ORM2: variants seen among roughly 807,000 people sequenced by gnomAD.
ORM2 encodes the protein orosomucoid 2.
Under a neutral mutation model 26.8 loss-of-function variants are expected in ORM2, and 19 were observed. The observed-to-expected ratio is 0.71, with a 90% CI of 0.49 to 1.04. The LOEUF (loss-of-function observed/expected upper bound fraction) is 1.04, where lower values mean the gene tolerates loss of function less well. Among genes scored for constraint, ORM2 ranks in the 50% least tolerant of loss-of-function variants. ORM2 has a pLI of 0.00. For missense variants in ORM2, 259 were observed against 244.9 expected, an observed-to-expected ratio of 1.06 and a Z score of -0.39; for synonymous variants, 94 against 100.0, an observed-to-expected ratio of 0.94 and a Z score of 0.36.
chr9:114,331,928 A>C lies in ORM2; in HGVS notation c.539A>C (p.Lys180Thr). 1 of 1,613,342 alleles carries C rather than the reference A, an allele frequency of 6.2e-7. No homozygotes were observed. The highest frequency in any genetic ancestry group is 8.5e-7 in the Non-Finnish European group (1 of 1,179,610). ...GATGTCATGTACACCGACTGGAAAA[A>C]GGTAAACGCAAGGGATTGGACAGTG... is the stretch of plus-strand genomic sequence containing the variant. Reference protein sequence around the residue: ...RSDVMYTDWKKDKCEPLEKQH... With the variant: ...RSDVMYTDWKTDKCEPLEKQH... The change falls in exon 5 of 6, where the codon AAG becomes ACG. Residue 180 changes from lysine to threonine, a missense_variant and splice_region_variant. Coordinates refer to ENST00000431067, the MANE Select transcript of ORM2 (RefSeq NM_000608.4).
In ORM2 at chr9:114,330,829, G is replaced by A; in HGVS notation, c.295G>A (p.Val99Ile). ...CTTCTATAACTCCAGTTACCTGAAT[G>A]TCCAGCGGGAGAATGGGACCGTCTC... ...QCFYNSSYLNVQRENGTVSRY... is the reference protein window; with the variant it reads ...QCFYNSSYLNIQRENGTVSRY... The change falls in exon 3 of 6, where the codon GTC (valine) becomes ATC (isoleucine). Residue 99 changes from valine (V) to isoleucine (I), a missense_variant. By Grantham distance (29) the Val-to-Ile change is conservative (BLOSUM62 3). This residue lies in a region of ORM2 where 251 missense variants were observed against 220.5 expected (regional missense o/e 1.14). Transcript: ENST00000431067. The A allele has an allele frequency of 6.2e-7, 1 of 1,613,992 alleles. No individual in the cohort carries two copies. Among genetic ancestry groups the A allele is most frequent in the South Asian group, 1.1e-5 (1 of 91,080 alleles).
chr9:114,332,471 A>G (rs964531058), intron 5 of ORM2, among the ~76,000 whole-genome samples: 6 of 152,144 alleles, frequency 3.9e-5, no homozygotes, highest in Non-Finnish European at 4.4e-5. Context: ...GTGCCCTAAT[A>G]CCTGTGAAAT....
intron 5 of ORM2, 85 bp from the exon 6 acceptor site, chr9:114,332,984 T>A: frequency 6.3e-7 from 1 of 1,584,016 alleles, no homozygotes; most frequent in Non-Finnish European, 8.6e-7. Flanking sequence ...AGGCCAGAGC[T>A]CATTCTGCCC....
At chr9:114,330,705 G>T (rs1288130572) in intron 2 of ORM2, 87 bp from the exon 3 acceptor site, 6 of 1,598,776 alleles carry the variant, frequency 3.8e-6, no homozygotes, top group Admixed American at 1.7e-5. Flanking sequence ...ATCTCCACCA[G>T]ACTCTTGCCC....
Position 114,330,553 on chromosome 9 carries a change from C to T in ORM2, c.234C>T (p.Ile78=), listed in dbSNP as rs562446012. Reference sequence around the variant, plus strand: ...CCCCCAACAAGACAGAGGACACGATCTTTCTCAGAGAGTACCAGACCCGGT... The same window carrying T: ...CCCCCAACAAGACAGAGGACACGATTTTTCTCAGAGAGTACCAGACCCGGT... ...YFTPNKTEDT[I]FLREYQTRQN... is the part of the protein sequence containing the mutation. The change falls in exon 2 of 6, where the codon ATC becomes ATT. Residue 78 remains isoleucine (I), a synonymous_variant. Transcript: ENST00000431067. 30 of 1,612,934 alleles carry T rather than the reference C, an allele frequency of 1.9e-5. No individual in the cohort carries two copies. Among genetic ancestry groups the T allele is most frequent in the Non-Finnish European group, 2.4e-5 (28 of 1,179,994 alleles).
rs539846271 is a variant in ORM2 at position 114,332,060 on chromosome 9, C to T, written c.540+131C>T. 1.7e-5 allele frequency: 11 copies of T among 653,958 alleles called. 1 individual carries two copies. In the Middle Eastern group the frequency reaches 1.6e-3, roughly 93 times the overall value. 40.5% of individuals were successfully genotyped at this position (653,958 alleles called of 1,614,324 possible). ...AGATCTTCTGCTTTTAGGCACCTGC[C>T]TCACTGTAGGGACAGCTGAGCTCTA... On this transcript the variant is annotated intron_variant, in intron 5 of 5. Coordinates refer to ENST00000431067, the MANE Select transcript of ORM2 (RefSeq NM_000608.4).
rs552854451 is a variant in ORM2, at chr9:114,330,778, C to T, written c.258-14C>T. On this transcript the variant is annotated splice_polypyrimidine_tract_variant and intron_variant, in intron 2 of 5. Transcript: ENST00000431067. Reference sequence around the variant, plus strand: ...AACATTACTGTTTTTCTTCCGCCTTCTGGTTGACTTTAGCCAGAACCAGTG... The same window carrying T: ...AACATTACTGTTTTTCTTCCGCCTTTTGGTTGACTTTAGCCAGAACCAGTG... 2 of 1,613,298 alleles carry T rather than the reference C, an allele frequency of 1.2e-6. No homozygotes were observed. The highest frequency in any genetic ancestry group is 1.7e-6 in the Non-Finnish European group (2 of 1,179,554).
rs1010546722 is a variant in ORM2, at chr9:114,331,499, C to A, written c.329-68C>A. Reference sequence around the variant, plus strand: ...GTGGCCCCGGACACACCTAGGACTCCTCACCTGTAAGACAGGCACCATTGT... The same window carrying A: ...GTGGCCCCGGACACACCTAGGACTCATCACCTGTAAGACAGGCACCATTGT... On this transcript the variant is annotated intron_variant, in intron 3 of 5. Coordinates refer to ENST00000431067, the MANE Select transcript of ORM2 (RefSeq NM_000608.4). 30 of 1,332,044 alleles carry A rather than the reference C, an allele frequency of 2.3e-5. No individual in the cohort carries two copies. The African/African-American group carries it at 3.8e-4, about 17-fold the overall frequency. 82.5% of individuals were successfully genotyped at this position (1,332,044 alleles called of 1,614,324 possible).
rs147918827 is a variant in ORM2 at position 114,331,668 on chromosome 9, T to G, written c.430T>G (p.Phe144Val). 230 of 1,612,866 alleles carry G rather than the reference T, an allele frequency of 1.4e-4. 1 individual carries two copies. Among genetic ancestry groups the G allele is most frequent in the Middle Eastern group, 3.3e-4 (2 of 6,056 alleles). ...LDDEKNWGLS[F>V]YADKPETTKE... Reference sequence around the variant, plus strand: ...CGATGAGAAGAACTGGGGGCTGTCTTTCTATGGTAGGCATGCTTAGCAGCC... The same window carrying G: ...CGATGAGAAGAACTGGGGGCTGTCTGTCTATGGTAGGCATGCTTAGCAGCC... The change falls in exon 4 of 6, where the codon TTC (phenylalanine) becomes GTC (valine). Residue 144 changes from phenylalanine (F) to valine (V), a missense_variant. Physicochemically the swap from Phe to Val is conservative, Grantham distance 50. This residue lies in a region of ORM2 where 251 missense variants were observed against 220.5 expected (regional missense o/e 1.14). Transcript: ENST00000431067.
chr9:114,331,299 C>A (rs1215961591), intron 3 of ORM2, among the ~76,000 whole-genome samples: 12 of 152,112 alleles, frequency 7.9e-5, no homozygotes, highest in Non-Finnish European at 1.5e-4. Flanking sequence ...CGAGCCTCCT[C>A]TCTGGGCCTC....
intron 5 of ORM2, among the ~76,000 whole-genome samples, chr9:114,332,549 G>GAAAAACA (rs1193580555): frequency 6.6e-6 from 1 of 152,018 alleles, no homozygotes; most frequent in Non-Finnish European, 1.5e-5. Context: ...ACTATTCAAA[G>GAAAAACA]AAAAACAATT....
chr9:114,332,017 A>C, intron 5 of ORM2, 88 bp downstream of exon 5: 1 of 1,162,002 alleles, frequency 8.6e-7, no homozygotes, highest in South Asian at 1.3e-5. Flanking sequence ...GCTGCCAGGC[A>C]AGGCTGCACA....
At position 114,330,431 on chromosome 9, in the gene ORM2, C is replaced by T; in HGVS notation, c.115-3C>T. The T allele has an allele frequency of 6.4e-7, 1 of 1,567,018 alleles. No homozygotes were observed. The highest frequency in any genetic ancestry group is 8.7e-7 in the Non-Finnish European group (1 of 1,149,752). On this transcript the variant is annotated splice_region_variant and splice_polypyrimidine_tract_variant and intron_variant, in intron 1 of 5. Transcript: ENST00000431067. Reference sequence around the variant, plus strand: ...CCATCACCAGCTCCCCCCTTCTCCCCAGATCACTGGCAAGTGGTTTTATAT... The same window carrying T: ...CCATCACCAGCTCCCCCCTTCTCCCTAGATCACTGGCAAGTGGTTTTATAT...
chr9:114,330,661 C>A, intron 2 of ORM2, 85 bp downstream of exon 2: 1 of 1,601,036 alleles, frequency 6.2e-7, no homozygotes, highest in East Asian at 2.2e-5. Flanking sequence ...TGGCCTTGGC[C>A]TTCCCATGGG....
chr9:114,331,462 C>T, intron 3 of ORM2, 105 bp from the exon 4 acceptor site: 1 of 910,242 alleles, frequency 1.1e-6, no homozygotes, highest in Admixed American at 2.3e-5. Flanking sequence ...CGGGCCTTCA[C>T]TGATGGGCTT....
At position 114,331,878 on chromosome 9, in the gene ORM2, C is replaced by G; in HGVS notation, c.489C>G (p.Leu163=). Residue 163 remains leucine (L), a synonymous_variant, in exon 5 of 6, where the codon CTC becomes CTG. Transcript: ENST00000431067. ...AACTGGGAGAGTTCTACGAAGCTCT[C>G]GACTGCTTGTGCATTCCCAGGTCAG... ...KEQLGEFYEA[L]DCLCIPRSDV... is the part of the protein sequence containing the mutation. 4 of 1,613,844 alleles carry G rather than the reference C, an allele frequency of 2.5e-6. No individual in the cohort carries two copies. Among genetic ancestry groups the G allele is most frequent in the Non-Finnish European group, 3.4e-6 (4 of 1,179,870 alleles).
At position 114,330,566 on chromosome 9, in the gene ORM2, T is replaced by G. The variant is rs1439332777; in HGVS notation, c.247T>G (p.Tyr83Asp). ...AGAGGACACGATCTTTCTCAGAGAG[T>G]ACCAGACCCGGTGAGAGCCCCCATT... ...KTEDTIFLRE[Y>D]QTRQNQCFYN... Residue 83 changes from tyrosine to aspartate, a missense_variant, in exon 2 of 6, where the codon TAC becomes GAC. Transcript: ENST00000431067. 1 of 1,612,850 alleles carries G rather than the reference T, an allele frequency of 6.2e-7. No homozygotes were observed.
At position 114,333,234 on chromosome 9, in the gene ORM2, G is replaced by A; in HGVS notation, c.*100G>A. 1 of 919,052 alleles carries A rather than the reference G, an allele frequency of 1.1e-6. No individual in the cohort carries two copies. Among genetic ancestry groups the A allele is most frequent in the East Asian group, 2.7e-5 (1 of 37,646 alleles). 56.9% of individuals were successfully genotyped at this position (919,052 alleles called of 1,614,324 possible). A position where few individuals can be genotyped will look rare whatever the true frequency, so the allele number is the denominator to read the frequency against. The stretch of plus-strand genomic sequence containing the variant: ...TTTTTCCCTCACTTGCATCAATAAA[G>A]CTTCTGTGTTTGGAACAGCTAAGCT... On this transcript the variant is annotated 3_prime_UTR_variant, in exon 6 of 6. Transcript: ENST00000431067.
rs1224300667 is a variant in ORM2, at chr9:114,329,985, A to C, written c.81A>C (p.Val27=). The C allele has an allele frequency of 1.9e-6, 3 of 1,576,326 alleles. No individual in the cohort carries two copies. The highest frequency in any genetic ancestry group is 1.7e-5 in the Admixed American group (1 of 57,264). ...EAQIPLCANL[V]PVPITNATLD... is the part of the protein sequence containing the mutation. The stretch of plus-strand genomic sequence containing the variant: ...AGATCCCATTGTGTGCCAACCTAGT[A>C]CCGGTGCCCATCACCAACGCCACCC... The change falls in exon 1 of 6, where the codon GTA becomes GTC. Residue 27 remains valine (V), a synonymous_variant. Coordinates refer to ENST00000431067, the MANE Select transcript of ORM2 (RefSeq NM_000608.4).
Sources: gnomAD v4.1 joint callset for allele counts (sites outside exome capture counted in the v4.1 genomes callset) on GRCh38, gnomAD v4.1.1 for gene constraint, gnomAD v4.1.1 regional missense constraint, MANE v1.5 for transcripts, NCBI Gene and HGNC (gene_info 2026-07-23, HGNC 2026-07-21) for gene names.